The following PPP1R12A variants were observed in gnomAD, a reference collection of about 807,000 sequenced individuals.
PPP1R12A encodes the protein protein phosphatase 1 regulatory subunit 12A, also known as myosin binding subunit.
In PPP1R12A, 19 loss-of-function variants were observed where a neutral mutation model predicts 139.6. The ratio of observed to expected loss-of-function variants is 0.14; its 90% confidence interval spans 0.09 to 0.20. PPP1R12A has a LOEUF of 0.20. Ranked by LOEUF, PPP1R12A falls within the 10% of genes least tolerant of loss-of-function variation. The pLI is 1.00. For synonymous variants in PPP1R12A, 427 were observed against 420.6 expected (o/e 1.02, Z -0.19); for missense variants, 925 against 1,211.5 (o/e 0.76, Z 3.51).
At chr12:79,932,948 T>G (rs1351792902) in intron 1 of PPP1R12A, among the ~76,000 whole-genome samples, 3 of 152,204 alleles carry the variant, frequency 2.0e-5, no homozygotes, top group Non-Finnish European at 4.4e-5. Flanking sequence ...CCTCCTACAG[T>G]AATAATCGTC....
rs1873711350 is a variant in PPP1R12A at position 79,805,487 on chromosome 12, T to C, written c.2000+105A>G. On this transcript the variant is annotated intron_variant, in intron 14 of 24. Coordinates refer to ENST00000450142, the MANE Select transcript of PPP1R12A (RefSeq NM_002480.3). The stretch of plus-strand genomic sequence containing the variant: ...TGACAGGGTATTTCATTTATTAGTC[T>C]ACTGGAGAGATGGCCATCAACCTCA... 1.2e-5 allele frequency: 12 copies of C among 1,013,468 alleles called. 1 individual carries two copies. In the South Asian group the frequency reaches 1.8e-4, roughly 15 times the overall value. The allele number at this position is 1,013,468 out of a possible 1,614,324, so 62.8% of individuals were successfully genotyped here.
intron 1 of PPP1R12A, 65 bp downstream of exon 1, chr12:79,934,630 A>G (rs1368698241): frequency 1.4e-6 from 2 of 1,386,878 alleles, no homozygotes; most frequent in South Asian, 2.8e-5. Context: ...AACTGAGGGC[A>G]GGCCCGAGCA....
At chr12:79,887,100 G>A (rs1884175064) in intron 1 of PPP1R12A, among the ~76,000 whole-genome samples, 1 of 152,112 alleles carries the variant, frequency 6.6e-6, no homozygotes, top group Non-Finnish European at 1.5e-5. Context: ...TAGATACAAA[G>A]ACCAACACTA....
At chr12:79,815,344 G>A (rs1875217143) in intron 9 of PPP1R12A, among the ~76,000 whole-genome samples, 4 of 152,030 alleles carry the variant, frequency 2.6e-5, no homozygotes, top group African/African-American at 4.8e-5. Context: ...CCCTAACATG[G>A]TGAAAACCCA....
chr12:79,839,496 C>A (rs1878457902), intron 3 of PPP1R12A, among the ~76,000 whole-genome samples: 1 of 152,038 alleles, frequency 6.6e-6, no homozygotes, highest in African/African-American at 2.4e-5. Context: ...GTTTCCCACC[C>A]AAATCTCATC....
intron 2 of PPP1R12A, among the ~76,000 whole-genome samples, chr12:79,859,719 A>C (rs1881100821): frequency 6.6e-6 from 1 of 152,118 alleles, no homozygotes; most frequent in African/African-American, 2.4e-5. Flanking sequence ...ACCCCGGAAA[A>C]CACAGCGAGA....
chr12:79,829,110 C>T (rs1210291457), intron 4 of PPP1R12A, among the ~76,000 whole-genome samples: 1 of 152,130 alleles, frequency 6.6e-6, no homozygotes, highest in Non-Finnish European at 1.5e-5. Flanking sequence ...CATTTTAATA[C>T]AATGCAAAGA....
At chr12:79,901,570 C>T (rs1885645443) in intron 1 of PPP1R12A, among the ~76,000 whole-genome samples, 1 of 150,364 alleles carries the variant, frequency 6.7e-6, no homozygotes, top group African/African-American at 2.4e-5. Flanking sequence ...AATATTACCA[C>T]ACAATAATCA....
chr12:79,828,396 G>A lies in PPP1R12A; in HGVS notation c.716C>T (p.Ala239Val), dbSNP rs1381521606. 1 of 1,612,148 alleles carries A rather than the reference G, an allele frequency of 6.2e-7. No homozygotes were observed. Among genetic ancestry groups the A allele is most frequent in the Non-Finnish European group, 8.5e-7 (1 of 1,178,632 alleles). Reference protein sequence around the residue: ...DYDGWTPLHAAAHWGKEEACR... With the variant: ...DYDGWTPLHAVAHWGKEEACR... ...TGCTTCTTCTTTACCCCAATGAGCT[G>A]CAGCATGAAGAGGTGTCCAGCCATC... is the stretch of plus-strand genomic sequence containing the variant. Residue 239 changes from alanine (A) to valine (V), a missense_variant, in exon 5 of 25, where the codon GCA becomes GTA. By Grantham distance (64) the Ala-to-Val change is moderately conservative. This residue lies in a region of PPP1R12A where 199 missense variants were observed against 352.4 expected (regional missense o/e 0.56). Coordinates refer to ENST00000450142, the MANE Select transcript of PPP1R12A (RefSeq NM_002480.3).
At chr12:79,842,997 C>T (rs1878921677) in intron 3 of PPP1R12A, among the ~76,000 whole-genome samples, 1 of 152,116 alleles carries the variant, frequency 6.6e-6, no homozygotes, top group African/African-American at 2.4e-5. Flanking sequence ...TCTATTTTCT[C>T]TATGAATTTG....
chr12:79,903,685 T>C lies in PPP1R12A; in HGVS notation c.238-30747A>G, dbSNP rs541477341. 8.5e-5 allele frequency among the ~76,000 whole-genome samples: 13 copies of C among 152,224 alleles called. No homozygotes were observed. The East Asian group carries it at 9.6e-4, about 11-fold the overall frequency. ...TATAGCACAATCTGGATCTTGATAC[T>C]GTGTCCATGTCTCGCTTTCTAGTTT... On this transcript the variant is annotated intron_variant, in intron 1 of 24. Coordinates refer to ENST00000450142, the MANE Select transcript of PPP1R12A (RefSeq NM_002480.3).
rs1020065456 is a variant in PPP1R12A at position 79,900,583 on chromosome 12, A to C, written c.238-27645T>G. 3.9e-5 allele frequency among the ~76,000 whole-genome samples: 6 copies of C among 152,356 alleles called. 1 individual carries two copies. The highest frequency in any genetic ancestry group is 1.2e-4 in the African/African-American group (5 of 41,592). On this transcript the variant is annotated intron_variant, in intron 1 of 24. Coordinates refer to ENST00000450142, the MANE Select transcript of PPP1R12A (RefSeq NM_002480.3). ...ATCCTTAAACCTAATACCCATGAAC[A>C]TATCTTTCAGATATATATTTCAGTT...
chr12:79,919,078 T>A (rs959376416), intron 1 of PPP1R12A, among the ~76,000 whole-genome samples: 6 of 151,934 alleles, frequency 3.9e-5, no homozygotes, highest in African/African-American at 1.5e-4. Flanking sequence ...ATCACGCCAC[T>A]GTACTCCAGA....
intron 2 of PPP1R12A, among the ~76,000 whole-genome samples, chr12:79,855,409 T>A (rs1402480469): frequency 6.6e-6 from 1 of 152,186 alleles, no homozygotes; most frequent in Non-Finnish European, 1.5e-5. Context: ...TTTCATGTCT[T>A]TGTTACTGTG....
intron 20 of PPP1R12A, 52 bp from the exon 21 acceptor site, chr12:79,788,835 T>A: frequency 6.8e-7 from 1 of 1,468,258 alleles, no homozygotes; most frequent in African/African-American, 1.4e-5. Context: ...TTTACAATTA[T>A]AACAACATAC....
At chr12:79,921,984 T>C (rs1053804837) in intron 1 of PPP1R12A, among the ~76,000 whole-genome samples, 1 of 152,236 alleles carries the variant, frequency 6.6e-6, no homozygotes, top group Non-Finnish European at 1.5e-5. Context: ...GGCATGGTAG[T>C]GCATGGCTGT....
chr12:79,875,921 TG>T (rs1160672995), intron 1 of PPP1R12A, among the ~76,000 whole-genome samples: 1 of 152,122 alleles, frequency 6.6e-6, no homozygotes, highest in East Asian at 1.9e-4. Flanking sequence ...TTTCTAGGAC[TG>T]AAAACACATC....
chr12:79,843,059 G>T (rs756011496), intron 3 of PPP1R12A, among the ~76,000 whole-genome samples: 12 of 151,536 alleles, frequency 7.9e-5, no homozygotes, highest in Non-Finnish European at 1.5e-4. Flanking sequence ...GGTTTTTTTT[G>T]ATCACTGGCT....
At position 79,775,838 on chromosome 12, in the gene PPP1R12A, A is replaced by AAGGATTC; in HGVS notation, c.*84_*90dup. The AAGGATTC allele has an allele frequency of 4.8e-6, 4 of 833,926 alleles. No individual in the cohort carries two copies. The East Asian group carries it at 1.2e-4, about 25-fold the overall frequency. 51.7% of individuals were successfully genotyped at this position (833,926 alleles called of 1,614,324 possible). ...AGGATATCCGAAAATGACAGTCTCC[A>AAGGATTC]AGGATTCTTCCCAGACTTCCAGTGA... On this transcript the variant is annotated 3_prime_UTR_variant, in exon 25 of 25. Transcript: ENST00000450142.
Sources: gnomAD v4.1 joint callset for allele counts (sites outside exome capture counted in the v4.1 genomes callset) on GRCh38, gnomAD v4.1.1 for gene constraint, gnomAD v4.1.1 regional missense constraint, MANE v1.5 for transcripts, NCBI Gene and HGNC (gene_info 2026-07-23, HGNC 2026-07-21) for gene names.